PKD2: variants seen among roughly 807,000 people sequenced by gnomAD.
PKD2 encodes polycystin 2, transient receptor potential cation channel.
In PKD2, 48 loss-of-function variants were observed where a neutral mutation model predicts 105.9. The observed-to-expected ratio is 0.45, with a 90% CI of 0.36 to 0.58. PKD2 has a LOEUF of 0.58. Among genes scored for constraint, PKD2 ranks in the 20% least tolerant of loss-of-function variants. The probability of loss-of-function intolerance (pLI) is 0.00; values close to 1 mark genes in which losing one functional copy is unlikely to be tolerated. For missense variants in PKD2, 1,078 were observed against 1,255.3 expected, an observed-to-expected ratio of 0.86 and a Z score of 2.13; for synonymous variants, 464 against 481.1, an observed-to-expected ratio of 0.96 and a Z score of 0.46.
At chr4:88,057,293 G>C (rs1264979038) in intron 8 of PKD2, among the ~76,000 whole-genome samples, 1 of 151,382 alleles carries the variant, frequency 6.6e-6, no homozygotes, top group Non-Finnish European at 1.5e-5. Flanking sequence ...ACCAGGCCCT[G>C]TTGTTTTTTT....
At chr4:88,045,527 C>G (rs1727734675) in intron 5 of PKD2, among the ~76,000 whole-genome samples, 1 of 152,168 alleles carries the variant, frequency 6.6e-6, no homozygotes, top group Non-Finnish European at 1.5e-5. Context: ...ATAGTGATGG[C>G]TAGTAGCTGA....
chr4:88,071,531 G>GT (rs1423763478), intron 13 of PKD2, among the ~76,000 whole-genome samples: 2 of 150,416 alleles, frequency 1.3e-5, no homozygotes. Flanking sequence ...ACATTTTCCT[G>GT]TTTTTTTGTT....
At chr4:88,058,949 A>C (rs1446663064) in intron 9 of PKD2, among the ~76,000 whole-genome samples, 1 of 152,164 alleles carries the variant, frequency 6.6e-6, no homozygotes, top group Admixed American at 6.5e-5. Flanking sequence ...TCATCTTAAG[A>C]ACAATTTTCT....
In PKD2 at chr4:88,065,776, A is replaced by T; in HGVS notation, c.2255A>T (p.Asp752Val). The change falls in exon 12 of 15, where the codon GAT (aspartate) becomes GTT (valine). Residue 752 changes from aspartate to valine, a missense_variant. Asp to Val is a radical substitution (Grantham distance 152). This residue lies in a region of PKD2 where 868 missense variants were observed against 1,067.3 expected (regional missense o/e 0.81). Transcript: ENST00000237596. ...TCTAATTTCAGGAAGGGCCATACTG[A>T]TGCAGAGATTGAGGCAATATTCACA... ...RQDLKGKGHT[D>V]AEIEAIFTKY... 1 of 1,610,732 alleles carries T rather than the reference A, an allele frequency of 6.2e-7. No homozygotes were observed. The highest frequency in any genetic ancestry group is 8.5e-7 in the Non-Finnish European group (1 of 1,176,916).
chr4:88,035,474 T>C (rs1727299830), intron 2 of PKD2, among the ~76,000 whole-genome samples: 1 of 152,072 alleles, frequency 6.6e-6, no homozygotes, highest in Admixed American at 6.5e-5. Context: ...AGTGATGCAC[T>C]CAAAAAGTTA....
chr4:88,032,466 G>A (rs896124729), intron 2 of PKD2, among the ~76,000 whole-genome samples: 2 of 152,146 alleles, frequency 1.3e-5, no homozygotes, highest in African/African-American at 4.8e-5. Context: ...CACTTTGGCC[G>A]ATACTGTGGT....
At chr4:88,056,349 T>C (rs781571926) in intron 8 of PKD2, 82 bp downstream of exon 8, 11 of 815,260 alleles carry the variant, frequency 1.3e-5, no homozygotes, top group Non-Finnish European at 2.2e-5. Context: ...ATGAGGTTGC[T>C]ATATGACCAC....
intron 2 of PKD2, among the ~76,000 whole-genome samples, chr4:88,034,051 C>A (rs906744290): frequency 6.6e-6 from 1 of 152,154 alleles, no homozygotes; most frequent in African/African-American, 2.4e-5. Flanking sequence ...ATGCCCAATA[C>A]CTTGTTCCAT....
intron 3 of PKD2, among the ~76,000 whole-genome samples, chr4:88,037,946 A>T (rs1727400694): frequency 6.6e-6 from 1 of 152,234 alleles, no homozygotes; most frequent in African/African-American, 2.4e-5. Flanking sequence ...CCCCACCTTT[A>T]GTCCAAGAAC....
At chr4:88,054,650 CT>C (rs1184325520) in intron 7 of PKD2, among the ~76,000 whole-genome samples, 15,213 of 81,478 alleles carry the variant, frequency 0.19, 642 homozygotes, top group Non-Finnish European at 0.25. Flanking sequence ...CATGACTCTA[CT>C]TTTTTTTTTT....
At chr4:88,058,493 A>G (rs569825758) in intron 9 of PKD2, among the ~76,000 whole-genome samples, 1 of 152,286 alleles carries the variant, frequency 6.6e-6, no homozygotes, top group Admixed American at 6.5e-5. Flanking sequence ...TTTTAAACTC[A>G]TATGTCAGCA....
chr4:88,068,850 C>T lies in PKD2; in HGVS notation c.2522+789C>T, dbSNP rs79582911. Among the ~76,000 whole-genome samples the T allele has an allele frequency of 6.2e-4, 94 of 152,300 alleles. 1 individual carries two copies. The highest frequency in any genetic ancestry group is 2.2e-3 in the African/African-American group (92 of 41,560). The stretch of plus-strand genomic sequence containing the variant: ...ACGTTTGAAAGTGGGGTATTAAAGT[C>T]TCCAAGTATTATTAGTTGGAGTTCA... On this transcript the variant is annotated intron_variant, in intron 13 of 14. Coordinates refer to ENST00000237596, the MANE Select transcript of PKD2 (RefSeq NM_000297.4).
At chr4:88,023,751 A>C (rs773091909) in intron 2 of PKD2, among the ~76,000 whole-genome samples, 1 of 152,234 alleles carries the variant, frequency 6.6e-6, no homozygotes, top group Non-Finnish European at 1.5e-5. Context: ...GCTGTCTGTC[A>C]TACAGTAGTA....
intron 2 of PKD2, among the ~76,000 whole-genome samples, chr4:88,021,019 G>A (rs1045280417): frequency 2.6e-5 from 4 of 152,188 alleles, no homozygotes; most frequent in African/African-American, 9.7e-5. Context: ...AATTGTTAGA[G>A]TTTAGAAACT....
chr4:88,070,543 C>T (rs1720971872), intron 13 of PKD2, among the ~76,000 whole-genome samples: 1 of 144,534 alleles, frequency 6.9e-6, no homozygotes, highest in African/African-American at 2.5e-5. Context: ...TGTTGAGCTC[C>T]TCTAGTTATT....
At chr4:88,051,472 AGT>A (rs1363426772) in intron 6 of PKD2, among the ~76,000 whole-genome samples, 2 of 152,220 alleles carry the variant, frequency 1.3e-5, no homozygotes, top group African/African-American at 4.8e-5. Context: ...GCCCTTGCAC[AGT>A]GCTGTATACA....
chr4:88,009,300 A>G (rs1726308239), intron 1 of PKD2, among the ~76,000 whole-genome samples: 1 of 152,170 alleles, frequency 6.6e-6, no homozygotes, highest in Non-Finnish European at 1.5e-5. Context: ...AAGAGTTTCC[A>G]TTCTCAGTTG....
In PKD2 at chr4:88,067,950, G is replaced by A. The variant is rs145343957; in HGVS notation, c.2411G>A (p.Ser804Asn). ...TTACCACGTCCCATGAGCAGCCGAAGTTTCCCTCGAAGCCTGGATGACTCT... is the reference window on the plus strand; with the variant it reads ...TTACCACGTCCCATGAGCAGCCGAAATTTCCCTCGAAGCCTGGATGACTCT... ...SSLPRPMSSR[S>N]FPRSLDDSEE... is the part of the protein sequence containing the mutation. Residue 804 changes from serine (S) to asparagine (N), a missense_variant, in exon 13 of 15, where the codon AGT becomes AAT. Transcript: ENST00000237596. The A allele has an allele frequency of 5.3e-4, 858 of 1,614,094 alleles. 5 individuals are homozygous for A. In the African/African-American group the frequency reaches 7.3e-3, roughly 14 times the overall value.
rs1720889859 is a variant in PKD2, at chr4:88,068,757, T to C, written c.2522+696T>C. On this transcript the variant is annotated intron_variant, in intron 13 of 14. Transcript: ENST00000237596. ...TTCTGTAGATGTTTGTTAGGTCTAG[T>C]TTGTTTACAGTTTTATTCAGGTCTC... is the stretch of plus-strand genomic sequence containing the variant. 2.0e-5 allele frequency among the ~76,000 whole-genome samples: 3 copies of C among 152,292 alleles called. No homozygotes were observed. In the Middle Eastern group the frequency reaches 0.01, roughly 518 times the overall value.
Sources: gnomAD v4.1 joint callset for allele counts (sites outside exome capture counted in the v4.1 genomes callset) on GRCh38, gnomAD v4.1.1 for gene constraint, gnomAD v4.1.1 regional missense constraint, MANE v1.5 for transcripts, NCBI Gene and HGNC (gene_info 2026-07-23, HGNC 2026-07-21) for gene names.